Variants in NELL2 observed in about 807,000 individuals in gnomAD.
NELL2 encodes neural EGFL like 2, also known as protein kinase C-binding protein NELL2.
Under a neutral mutation model 109.6 loss-of-function variants are expected in NELL2, and 41 were observed. The ratio of observed to expected loss-of-function variants is 0.37; its 90% CI spans 0.29 to 0.49. NELL2 has a LOEUF of 0.49. NELL2 is among the 20% of genes least tolerant of loss of function. The probability of loss-of-function intolerance (pLI) is 0.98; values close to 1 mark genes in which losing one functional copy is unlikely to be tolerated. For missense variants in NELL2, 900 were observed against 1,008.3 expected (o/e 0.89, Z 1.45); for synonymous variants, 355 against 344.7 (o/e 1.03, Z -0.33).
At chr12:44,920,998 T>C (rs549856037) in intron 1 of NELL2, among the ~76,000 whole-genome samples, 2 of 152,290 alleles carry the variant, frequency 1.3e-5, no homozygotes, top group African/African-American at 4.8e-5. Context: ...AGTAACACTT[T>C]AAGCTACTCT....
At chr12:44,565,797 A>G (rs563364201) in intron 15 of NELL2, among the ~76,000 whole-genome samples, 83 of 152,336 alleles carry the variant, frequency 5.4e-4, no homozygotes, top group Non-Finnish European at 9.8e-4. Context: ...GATTATAATG[A>G]TGATTATTGT....
intron 2 of NELL2, among the ~76,000 whole-genome samples, chr12:44,866,218 TA>T (rs1944996008): frequency 6.6e-6 from 1 of 152,066 alleles, no homozygotes; most frequent in African/African-American, 2.4e-5. Flanking sequence ...TTGTGAGAAA[TA>T]AAAAAATTAC....
At chr12:44,797,112 G>A (rs1233743843) in intron 3 of NELL2, among the ~76,000 whole-genome samples, 2 of 152,146 alleles carry the variant, frequency 1.3e-5, no homozygotes, top group Admixed American at 6.6e-5. Flanking sequence ...TAATAAGTGC[G>A]GTAGGGGTAG....
chr12:44,826,972 A>G (rs1434950148), intron 2 of NELL2, among the ~76,000 whole-genome samples: 1 of 152,196 alleles, frequency 6.6e-6, no homozygotes, highest in Non-Finnish European at 1.5e-5. Context: ...AATATAGAAA[A>G]TTATTTATAT....
intron 9 of NELL2, among the ~76,000 whole-genome samples, chr12:44,735,122 CT>C (rs1242419049): frequency 2.0e-5 from 3 of 152,070 alleles, no homozygotes; most frequent in African/African-American, 7.2e-5. Context: ...GTGTCTAGAT[CT>C]CATGTCTTCC....
chr12:44,818,725 A>ATTTTTTTTTTTTTTTTTTTTTTT lies in NELL2; in HGVS notation c.185-2590_185-2589insAAAAAAAAAAAAAAAAAAAAAAA. On this transcript the variant is annotated intron_variant, in intron 2 of 19. Coordinates refer to ENST00000429094, the MANE Select transcript of NELL2 (RefSeq NM_001145108.2). ...CTGAGAGGCTATATTTTGTTCACTT[A>ATTTTTTTTTTTTTTTTTTTTTTT]TTTTTTTTTTTTTATTTTTTTTTTT... is the stretch of plus-strand genomic sequence containing the variant. Among the ~76,000 whole-genome samples, 2 of 72,146 alleles carry ATTTTTTTTTTTTTTTTTTTTTTT rather than the reference A, an allele frequency of 2.8e-5. 1 individual carries two copies. The allele number at this position is 72,146 out of a possible 152,430, so 47.3% of individuals were successfully genotyped here. A position where few individuals can be genotyped will look rare whatever the true frequency, so the allele number is the denominator to read the frequency against.
intron 12 of NELL2, among the ~76,000 whole-genome samples, chr12:44,689,242 A>G (rs562685799): frequency 5.9e-5 from 9 of 152,220 alleles, no homozygotes; most frequent in African/African-American, 2.2e-4. Flanking sequence ...ACATATTTCT[A>G]TGTCCCTATT....
At chr12:44,807,055 G>C (rs1943025420) in intron 3 of NELL2, among the ~76,000 whole-genome samples, 1 of 151,290 alleles carries the variant, frequency 6.6e-6, no homozygotes, top group Admixed American at 6.6e-5. Flanking sequence ...AAGACTACCT[G>C]ATCTCAGGAT....
rs1235853842 is a variant in NELL2, at chr12:44,840,093, G to A, written c.185-23957C>T. Among the ~76,000 whole-genome samples the A allele has an allele frequency of 2.0e-5, 3 of 152,298 alleles. No individual in the cohort carries two copies. In the East Asian group the frequency reaches 5.8e-4, roughly 29 times the overall value. ...TTGAACTCCCCATATTTTTGCAGAT[G>A]CTGTGCTTTTGCCTGCAATGTCCTC... is the stretch of plus-strand genomic sequence containing the variant. On this transcript the variant is annotated intron_variant, in intron 2 of 19. Coordinates refer to ENST00000429094, the MANE Select transcript of NELL2 (RefSeq NM_001145108.2).
intron 16 of NELL2, among the ~76,000 whole-genome samples, chr12:44,527,352 AT>A (rs969689126): frequency 2.0e-5 from 3 of 152,202 alleles, no homozygotes; most frequent in African/African-American, 7.2e-5. Flanking sequence ...CAGAGACAAA[AT>A]TTTAGGCACA....
chr12:44,721,731 A>G (rs957808661), intron 9 of NELL2, among the ~76,000 whole-genome samples: 2 of 152,090 alleles, frequency 1.3e-5, no homozygotes, highest in African/African-American at 2.4e-5. Flanking sequence ...TCTTTTCATT[A>G]TAAACCAAAT....
intron 1 of NELL2, among the ~76,000 whole-genome samples, chr12:44,891,622 T>C (rs75097205): frequency 6.8e-6 from 1 of 147,638 alleles, no homozygotes; most frequent in African/African-American, 2.5e-5. Context: ...GTAACACTGA[T>C]TTTTTTTCCT....
Position 44,846,328 on chromosome 12 carries a change from G to A in NELL2, c.184+28897C>T, listed in dbSNP as rs73279158. Among the ~76,000 whole-genome samples, 703 of 152,314 alleles carry A rather than the reference G, an allele frequency of 4.6e-3. 4 individuals are homozygous for A. The highest frequency in any genetic ancestry group is 0.016 in the African/African-American group (646 of 41,570). Reference sequence around the variant, plus strand: ...ATTCCAGCATTGCCAGACAGTCTATGGTGTCAGCATCAACACGGATGCTCT... The same window carrying A: ...ATTCCAGCATTGCCAGACAGTCTATAGTGTCAGCATCAACACGGATGCTCT... On this transcript the variant is annotated intron_variant, in intron 2 of 19. Transcript: ENST00000429094.
intron 1 of NELL2, among the ~76,000 whole-genome samples, chr12:44,897,130 G>A (rs1945601639): frequency 6.6e-6 from 1 of 152,156 alleles, no homozygotes; most frequent in African/African-American, 2.4e-5. Flanking sequence ...AATTTAACAA[G>A]ATGATGTCAG....
intron 12 of NELL2, among the ~76,000 whole-genome samples, chr12:44,678,874 T>C (rs1948404061): frequency 1.3e-5 from 2 of 151,948 alleles, no homozygotes; most frequent in African/African-American, 4.8e-5. Flanking sequence ...TGATGACAAG[T>C]CTAGATTGAA....
intron 11 of NELL2, among the ~76,000 whole-genome samples, chr12:44,709,539 C>T (rs1020644259): frequency 3.9e-5 from 6 of 152,124 alleles, no homozygotes; most frequent in African/African-American, 1.4e-4. Flanking sequence ...CCTAGCCAAG[C>T]CCTGTCTGAA....
intron 19 of NELL2, among the ~76,000 whole-genome samples, chr12:44,518,538 C>T (rs1295456481): frequency 6.6e-6 from 1 of 152,200 alleles, no homozygotes; most frequent in Non-Finnish European, 1.5e-5. Flanking sequence ...AGCCACCGTG[C>T]CCGGCCTCAT....
At chr12:44,570,079 C>A (rs1456482649) in intron 15 of NELL2, among the ~76,000 whole-genome samples, 1 of 152,126 alleles carries the variant, frequency 6.6e-6, no homozygotes, top group South Asian at 2.1e-4. Flanking sequence ...AGTACCCTGT[C>A]TATGGAAAAC....
At chr12:44,613,252 T>A (rs1259249196) in intron 13 of NELL2, among the ~76,000 whole-genome samples, 1 of 152,172 alleles carries the variant, frequency 6.6e-6, no homozygotes, top group Non-Finnish European at 1.5e-5. Flanking sequence ...ATTGTAATTT[T>A]ATGTCCATTT....
Sources: allele counts gnomAD v4.1 joint callset (sites outside exome capture counted in the v4.1 genomes callset), GRCh38; gene constraint gnomAD v4.1.1; transcripts MANE v1.5; gene names NCBI Gene and HGNC (gene_info 2026-07-23, HGNC 2026-07-21).